FRS2: variants seen among roughly 807,000 people sequenced by gnomAD.
FRS2 encodes the protein fibroblast growth factor receptor substrate 2, also known as FGFR signalling adaptor.
In FRS2, 8 loss-of-function variants were observed where a neutral mutation model predicts 43.9. That is an observed-to-expected ratio of 0.18 (90% CI 0.11 to 0.33). The LOEUF is 0.33. Ranked by LOEUF, FRS2 falls within the 10% of genes least tolerant of loss-of-function variation. FRS2 has a pLI of 1.00. For missense variants in FRS2, 534 were observed against 627.6 expected (o/e 0.85, Z 1.59); for synonymous variants, 219 against 220.3 (o/e 0.99, Z 0.05).
In FRS2 at chr12:69,579,423, T is replaced by C. The variant is rs1881410071; in HGVS notation, c.*4468T>C. The C allele has an allele frequency of 6.6e-6, 1 of 152,638 alleles. No individual in the cohort carries two copies. The highest frequency in any genetic ancestry group is 1.5e-5 in the Non-Finnish European group (1 of 68,034). 9.5% of individuals were successfully genotyped at this position (152,638 alleles called of 1,614,324 possible). ...GAGTTCTTTACAATCAAACGTTTATTAACTGGAGTACTTAGAATAAGCTAG... is the reference window on the plus strand; with the variant it reads ...GAGTTCTTTACAATCAAACGTTTATCAACTGGAGTACTTAGAATAAGCTAG... On this transcript the variant is annotated 3_prime_UTR_variant, in exon 9 of 9. Transcript: ENST00000549921.
intron 3 of FRS2, among the ~76,000 whole-genome samples, chr12:69,536,101 C>CCTTTTTTTTTTTTTTTTTTTTTT (rs1877251782): frequency 2.7e-5 from 1 of 37,176 alleles, no homozygotes; most frequent in African/African-American, 9.0e-5. Flanking sequence ...TATTTTCATT[C>CCTTTTTTTTTTTTTTTTTTTTTT]TTTTTTTTTT....
intron 1 of FRS2, among the ~76,000 whole-genome samples, chr12:69,477,272 CTTT>C (rs11300091): frequency 7.8e-5 from 8 of 103,122 alleles, no homozygotes; most frequent in East Asian, 2.7e-4. Flanking sequence ...TTTTAAAATA[CTTT>C]TTTTTTTTTT....
chr12:69,470,559 G>T, intron 1 of FRS2, 29 bp downstream of exon 1: 2 of 398,416 alleles, frequency 5.0e-6, no homozygotes, highest in Non-Finnish European at 8.9e-6. Flanking sequence ...GGACTGGGAC[G>T]GCCGCGGGCC....
intron 3 of FRS2, among the ~76,000 whole-genome samples, chr12:69,557,619 T>TGTGTGTGTGTGTGTGTGTGCGC (rs1555192498): frequency 2.7e-4 from 32 of 119,018 alleles, no homozygotes; most frequent in East Asian, 1.7e-3. Context: ...TGTGTGTGTG[T>TGTGTGTGTGTGTGTGTGTGCGC]GCGCGCGCGC....
chr12:69,579,166 T>G lies in FRS2; in HGVS notation c.*4211T>G, dbSNP rs979969286. 7 of 152,658 alleles carry G rather than the reference T, an allele frequency of 4.6e-5. No individual in the cohort carries two copies. Among genetic ancestry groups the G allele is most frequent in the African/African-American group, 1.7e-4 (7 of 41,456 alleles). 9.5% of individuals were successfully genotyped at this position (152,658 alleles called of 1,614,324 possible). A position where few individuals can be genotyped will look rare whatever the true frequency, so the allele number is the denominator to read the frequency against. On this transcript the variant is annotated 3_prime_UTR_variant, in exon 9 of 9. Transcript: ENST00000549921. The stretch of plus-strand genomic sequence containing the variant: ...TACATTTTGTAGCATGGCAATAAAA[T>G]ATAACTTTTACACTGAGGCCGAGTG...
intron 3 of FRS2, among the ~76,000 whole-genome samples, chr12:69,536,891 C>A (rs994051058): frequency 1.3e-5 from 2 of 151,940 alleles, no homozygotes; most frequent in Non-Finnish European, 2.9e-5. Context: ...TATTTCTGTC[C>A]CCTTCTGTGG....
At chr12:69,568,976 T>A in intron 4 of FRS2, 29 bp from the exon 5 acceptor site, 1 of 1,134,322 alleles carries the variant, frequency 8.8e-7, no homozygotes, top group Non-Finnish European at 1.3e-6. Flanking sequence ...CTTCATCTAA[T>A]AAATTTTTCC....
chr12:69,542,071 G>A (rs1341559860), intron 3 of FRS2, among the ~76,000 whole-genome samples: 6 of 152,078 alleles, frequency 3.9e-5, no homozygotes, highest in African/African-American at 1.2e-4. Flanking sequence ...GATATTATCA[G>A]GGCCATATAT....
rs142350863 is a variant in FRS2 at position 69,482,102 on chromosome 12, A to G, written c.-261+11572A>G. ...ATAATGTATAAGTATATATAATTGTATATGTATAATTGTTGAGAGTTTAAG... is the reference window on the plus strand; with the variant it reads ...ATAATGTATAAGTATATATAATTGTGTATGTATAATTGTTGAGAGTTTAAG... On this transcript the variant is annotated intron_variant, in intron 1 of 8. Transcript: ENST00000549921. 2.7e-3 allele frequency among the ~76,000 whole-genome samples: 412 copies of G among 151,482 alleles called. 2 individuals are homozygous for G. Among genetic ancestry groups the G allele is most frequent in the African/African-American group, 9.3e-3 (385 of 41,280 alleles).
Position 69,574,186 on chromosome 12 carries a change from T to C in FRS2, c.758T>C (p.Leu253Ser), listed in dbSNP as rs1378536486. The change falls in exon 9 of 9, where the codon TTA (leucine) becomes TCA (serine). Residue 253 changes from leucine (L) to serine (S), a missense_variant. Physicochemically the swap from Leu to Ser is moderately radical, Grantham distance 145. Transcript: ENST00000549921. ...LLEPEGVKFV[L>S]GPTPVQKQLM... ...GAACCTGAAGGAGTCAAATTTGTTT[T>C]AGGGCCAACCCCTGTTCAAAAGCAG... is the stretch of plus-strand genomic sequence containing the variant. The C allele has an allele frequency of 2.5e-6, 4 of 1,614,106 alleles. No individual in the cohort carries two copies. Among genetic ancestry groups the C allele is most frequent in the African/African-American group, 2.7e-5 (2 of 74,938 alleles).
At position 69,562,242 on chromosome 12, in the gene FRS2, G is replaced by A. The variant is rs1194620271; in HGVS notation, c.-59G>A. The stretch of plus-strand genomic sequence containing the variant: ...ATATGATTAAACTCCTGATGCTGCA[G>A]CAGAGGCTAAGAATATTAATGGCCA... On this transcript the variant is annotated 5_prime_UTR_variant, in exon 4 of 9. Transcript: ENST00000549921. 1.0e-5 allele frequency: 4 copies of A among 398,314 alleles called. No individual in the cohort carries two copies. Among genetic ancestry groups the A allele is most frequent in the Non-Finnish European group, 1.8e-5 (4 of 225,964 alleles). 24.7% of individuals were successfully genotyped at this position (398,314 alleles called of 1,614,324 possible).
At chr12:69,533,948 T>C (rs935001503) in intron 3 of FRS2, among the ~76,000 whole-genome samples, 2 of 152,146 alleles carry the variant, frequency 1.3e-5, no homozygotes, top group African/African-American at 4.8e-5. Context: ...TCATTTTAGG[T>C]CTGAAGGGTC....
chr12:69,561,292 A>T (rs957818369), intron 3 of FRS2, among the ~76,000 whole-genome samples: 3 of 152,226 alleles, frequency 2.0e-5, no homozygotes, highest in African/African-American at 7.2e-5. Flanking sequence ...TTTATATATA[A>T]AATTGAAGTT....
In FRS2 at chr12:69,495,578, T is replaced by A. The variant is rs372511337; in HGVS notation, c.-261+25048T>A. On this transcript the variant is annotated intron_variant, in intron 1 of 8. Transcript: ENST00000549921. ...GTGGGTAGTTCTCTAGAATGGAGTA[T>A]TTAAAAAATGGAGACTATAATAAAA... is the stretch of plus-strand genomic sequence containing the variant. Among the ~76,000 whole-genome samples the A allele has an allele frequency of 1.5e-3, 221 of 152,316 alleles. 2 individuals are homozygous for A. The highest frequency in any genetic ancestry group is 5.1e-3 in the African/African-American group (213 of 41,570).
intron 3 of FRS2, among the ~76,000 whole-genome samples, chr12:69,537,550 T>A (rs943909495): frequency 1.3e-5 from 2 of 152,216 alleles, no homozygotes; most frequent in Non-Finnish European, 2.9e-5. Context: ...AAGTCTTAAT[T>A]GCCCTTCCTT....
intron 3 of FRS2, among the ~76,000 whole-genome samples, chr12:69,540,516 G>A (rs1213646381): frequency 2.0e-5 from 3 of 152,070 alleles, no homozygotes; most frequent in Non-Finnish European, 2.9e-5. Context: ...AAATATCCAC[G>A]GGCTGATACT....
At chr12:69,478,586 A>T (rs1338474586) in intron 1 of FRS2, among the ~76,000 whole-genome samples, 1 of 152,190 alleles carries the variant, frequency 6.6e-6, no homozygotes, top group African/African-American at 2.4e-5. Flanking sequence ...GAAATAATTC[A>T]TCTTTTTCTT....
At chr12:69,508,944 A>G (rs1874207799) in intron 1 of FRS2, among the ~76,000 whole-genome samples, 1 of 152,172 alleles carries the variant, frequency 6.6e-6, no homozygotes, top group South Asian at 2.1e-4. Context: ...TATTAAGACT[A>G]TGCAAATATT....
At chr12:69,526,476 TTAA>T (rs68085116) in intron 1 of FRS2, among the ~76,000 whole-genome samples, 28,177 of 152,080 alleles carry the variant, frequency 0.19, 2,784 homozygotes, top group Middle Eastern at 0.28. Flanking sequence ...TATTTTTTCA[TTAA>T]TGACACTTAT....
Sources: gnomAD v4.1 joint callset for allele counts (sites outside exome capture counted in the v4.1 genomes callset) on GRCh38, gnomAD v4.1.1 for gene constraint, MANE v1.5 for transcripts, NCBI Gene and HGNC (gene_info 2026-07-23, HGNC 2026-07-21) for gene names.